WFDC3: variants seen among roughly 807,000 people sequenced by gnomAD.
WFDC3 encodes WAP four-disulfide core domain protein 3.
A neutral mutation model predicts 25.8 loss-of-function variants in WFDC3; 15 were observed. That is an observed-to-expected ratio of 0.58 (90% CI 0.39 to 0.89). The LOEUF (loss-of-function observed/expected upper bound fraction) is 0.89, where lower values mean the gene tolerates loss of function less well. Among genes scored for constraint, WFDC3 ranks in the 40% least tolerant of loss-of-function variants. WFDC3 has a pLI of 0.00. For missense variants in WFDC3, 264 were observed against 289.8 expected, an observed-to-expected ratio of 0.91 and a Z score of 0.65; for synonymous variants, 103 against 107.1, an observed-to-expected ratio of 0.96 and a Z score of 0.24.
At chr20:45,775,330 C>T (rs1050266124) in intron 6 of WFDC3, 87 bp downstream of exon 6, 12 of 1,525,354 alleles carry the variant, frequency 7.9e-6, no homozygotes, top group Middle Eastern at 1.8e-4. Flanking sequence ...TTTTCCTGAC[C>T]TTCTGAAGTC....
intron 5 of WFDC3, 67 bp downstream of exon 5, chr20:45,777,007 AG>A (rs1912611150): frequency 6.2e-7 from 1 of 1,606,424 alleles, no homozygotes; most frequent in Non-Finnish European, 8.5e-7. Flanking sequence ...AGCTCCTCCC[AG>A]GAAGGGAAAG....
At chr20:45,789,278 G>A (rs892710638) in intron 2 of WFDC3, among the ~76,000 whole-genome samples, 3 of 151,624 alleles carry the variant, frequency 2.0e-5, no homozygotes, top group Non-Finnish European at 2.9e-5. Context: ...AGGCCGAGGC[G>A]GGCGGATCAT....
chr20:45,778,123 G>C (rs1460252092), intron 4 of WFDC3, among the ~76,000 whole-genome samples: 2 of 152,164 alleles, frequency 1.3e-5, no homozygotes, highest in Non-Finnish European at 2.9e-5. Context: ...ACTGGGGCTT[G>C]TCCACTCAGA....
chr20:45,780,244 T>C (rs1568698702), intron 4 of WFDC3, among the ~76,000 whole-genome samples: 3 of 151,860 alleles, frequency 2.0e-5, no homozygotes, highest in African/African-American at 7.3e-5. Flanking sequence ...CCCAGCTAAT[T>C]ATTTTTATTT....
At chr20:45,776,103 A>C (rs2145680563) in intron 5 of WFDC3, among the ~76,000 whole-genome samples, 1 of 152,336 alleles carries the variant, frequency 6.6e-6, no homozygotes, top group Non-Finnish European at 1.5e-5. Flanking sequence ...TATAAGCTAC[A>C]TACGGACAAG....
At chr20:45,785,371 G>A (rs1176567588) in intron 4 of WFDC3, among the ~76,000 whole-genome samples, 2 of 151,018 alleles carry the variant, frequency 1.3e-5, no homozygotes, top group African/African-American at 4.9e-5. Flanking sequence ...TCAGGAGGCT[G>A]ACGCACAAGA....
intron 4 of WFDC3, among the ~76,000 whole-genome samples, chr20:45,779,693 T>G (rs532533720): frequency 6.6e-6 from 1 of 152,194 alleles, no homozygotes; most frequent in East Asian, 1.9e-4. Context: ...GACATAAACA[T>G]CTCATAAAAT....
At chr20:45,789,745 C>T in intron 2 of WFDC3, 149 bp downstream of exon 2, 1 of 659,968 alleles carries the variant, frequency 1.5e-6, no homozygotes. Context: ...CCAGGCCATC[C>T]TGAGAATCTA....
intron 4 of WFDC3, among the ~76,000 whole-genome samples, chr20:45,781,313 C>T (rs532285416): frequency 6.6e-6 from 1 of 152,276 alleles, no homozygotes; most frequent in East Asian, 1.9e-4. Context: ...GCAAGGATCA[C>T]ACAAAAACCA....
At chr20:45,780,140 CTT>C (rs1980378784) in intron 4 of WFDC3, among the ~76,000 whole-genome samples, 2 of 141,476 alleles carry the variant, frequency 1.4e-5, no homozygotes, top group African/African-American at 5.3e-5. Flanking sequence ...GCAATGGTGG[CTT>C]ACTGCAGCCT....
intron 6 of WFDC3, among the ~76,000 whole-genome samples, chr20:45,774,815 C>T (rs537786265): frequency 7.9e-5 from 12 of 152,054 alleles, no homozygotes; most frequent in Admixed American, 1.3e-4. Context: ...TGATGGCAGG[C>T]GCCTGTAAAT....
At chr20:45,776,635 A>AAATATAT (rs1555812766) in intron 5 of WFDC3, among the ~76,000 whole-genome samples, 3 of 92,938 alleles carry the variant, frequency 3.2e-5, no homozygotes, top group East Asian at 2.9e-4. Flanking sequence ...AAAAAAAAAA[A>AAATATAT]ATATATATAT....
rs1240328045 is a variant in WFDC3, at chr20:45,777,098, G to A, written c.470C>T (p.Thr157Ile). The change falls in exon 5 of 7, where the codon ACC (threonine) becomes ATC (isoleucine). Residue 157 changes from threonine to isoleucine, a missense_variant. Thr to Ile is a moderately conservative substitution (Grantham distance 89). Transcript: ENST00000243938. ...HKCCSTGCGR[T>I]CLGDIEGGRG... ...ACCTCCCTCAATGTCTCCGAGGCAG[G>A]TGCGGCCACAGCCGGTGCTGCAGCA... The A allele has an allele frequency of 6.2e-7, 1 of 1,612,748 alleles. No individual in the cohort carries two copies. Among genetic ancestry groups the A allele is most frequent in the South Asian group, 1.1e-5 (1 of 91,004 alleles).
intron 3 of WFDC3, chr20:45,788,300 G>A (rs770678224): frequency 8.4e-5 from 14 of 166,220 alleles, no homozygotes; most frequent in East Asian, 1.7e-4. Flanking sequence ...GCGAAACTCC[G>A]TCTCAAAAAA....
intron 4 of WFDC3, among the ~76,000 whole-genome samples, chr20:45,778,450 C>T (rs1017933309): frequency 1.3e-5 from 2 of 152,238 alleles, no homozygotes; most frequent in Non-Finnish European, 2.9e-5. Context: ...CAAGTTTATT[C>T]TGAGAGGCAA....
At chr20:45,788,649 A>G (rs1383573187) in intron 3 of WFDC3, 1 of 305,596 alleles carries the variant, frequency 3.3e-6, no homozygotes, top group African/African-American at 2.2e-5. Context: ...ATTATCTTAC[A>G]CAGCCTTCCC....
chr20:45,791,801 C>T (rs1981008072), intron 1 of WFDC3, 31 bp downstream of exon 1: 1 of 391,444 alleles, frequency 2.6e-6, no homozygotes, highest in African/African-American at 2.1e-5. Context: ...CGCAGCCCTC[C>T]CGAGAGGAAG....
At chr20:45,777,360 A>AT (rs1980240053) in intron 4 of WFDC3, 151 bp from the exon 5 acceptor site, 95 of 966,928 alleles carry the variant, frequency 9.8e-5, no homozygotes, top group East Asian at 2.1e-4. Context: ...AATACATCTG[A>AT]TTTTTTTTAA....
intron 5 of WFDC3, among the ~76,000 whole-genome samples, chr20:45,776,611 AAG>A (rs1568697331): frequency 1.9e-5 from 1 of 53,420 alleles, no homozygotes; most frequent in Non-Finnish European, 3.6e-5. Flanking sequence ...AAAAAAAAAA[AAG>A]AAAAAAAAGA....
Sources: gnomAD v4.1 joint callset for allele counts (sites outside exome capture counted in the v4.1 genomes callset) on GRCh38, gnomAD v4.1.1 for gene constraint, MANE v1.5 for transcripts, NCBI Gene and HGNC (gene_info 2026-07-23, HGNC 2026-07-21) for gene names.